Variants in GRIP1 observed in about 807,000 individuals in gnomAD.
GRIP1 encodes glutamate receptor-interacting protein 1.
In GRIP1, 45 loss-of-function variants were observed where a neutral mutation model predicts 129.9. That is an observed-to-expected ratio of 0.35 (90% CI 0.27 to 0.44). The LOEUF (loss-of-function observed/expected upper bound fraction) is 0.44. Among genes scored for constraint, GRIP1 ranks in the 20% least tolerant of loss-of-function variants. GRIP1 has a pLI of 1.00. For missense variants in GRIP1, 1,196 were observed against 1,396.8 expected, an observed-to-expected ratio of 0.86 and a Z score of 2.29; for synonymous variants, 530 against 520.8, an observed-to-expected ratio of 1.02 and a Z score of -0.24.
At chr12:66,945,196 C>T (rs2041648217) in intron 1 of GRIP1, among the ~76,000 whole-genome samples, 1 of 152,090 alleles carries the variant, frequency 6.6e-6, no homozygotes, top group Non-Finnish European at 1.5e-5. Flanking sequence ...GTTCAGGAGT[C>T]CATGTGCAGG....
At chr12:67,022,633 T>C (rs948891149) in intron 1 of GRIP1, among the ~76,000 whole-genome samples, 4 of 152,232 alleles carry the variant, frequency 2.6e-5, no homozygotes, top group African/African-American at 7.2e-5. Flanking sequence ...ACAATTTGAA[T>C]AGATTTGTAT....
intron 1 of GRIP1, among the ~76,000 whole-genome samples, chr12:66,597,128 G>A (rs946584774): frequency 6.6e-6 from 1 of 152,138 alleles, no homozygotes. Context: ...CCCTATAAAA[G>A]AGAGATAAAA....
chr12:66,433,316 A>G (rs149626396), intron 13 of GRIP1, among the ~76,000 whole-genome samples: 271 of 152,306 alleles, frequency 1.8e-3, no homozygotes, highest in African/African-American at 6.2e-3. Flanking sequence ...CAACCAATCA[A>G]ACTAGATGCT....
chr12:66,626,345 A>G (rs2030040870), intron 1 of GRIP1, among the ~76,000 whole-genome samples: 1 of 151,780 alleles, frequency 6.6e-6, no homozygotes, highest in African/African-American at 2.4e-5. Context: ...ATCTCCAAAA[A>G]AAAAAAAGTA....
chr12:66,690,362 CAATAAT>C (rs1168604199), intron 1 of GRIP1, among the ~76,000 whole-genome samples: 1 of 143,548 alleles, frequency 7.0e-6, no homozygotes, highest in South Asian at 2.2e-4. Context: ...TTTCATTGCT[CAATAAT>C]ATTACACACA....
chr12:66,521,967 T>C (rs972434397), intron 5 of GRIP1, among the ~76,000 whole-genome samples: 4 of 152,196 alleles, frequency 2.6e-5, no homozygotes, highest in African/African-American at 9.6e-5. Flanking sequence ...GTGCCTGCCA[T>C]TGCCCAGGAT....
At chr12:66,918,473 A>C (rs1224874116) in intron 1 of GRIP1, among the ~76,000 whole-genome samples, 1 of 152,100 alleles carries the variant, frequency 6.6e-6, no homozygotes, top group Non-Finnish European at 1.5e-5. Flanking sequence ...ATATCTCAGC[A>C]CCCTGTTGGC....
At chr12:66,514,170 G>T (rs1474228553) in intron 7 of GRIP1, among the ~76,000 whole-genome samples, 2 of 152,078 alleles carry the variant, frequency 1.3e-5, no homozygotes, top group East Asian at 3.9e-4. Flanking sequence ...CCTATCCATT[G>T]CAAGCTTCAT....
At chr12:66,646,310 T>A (rs974564144) in intron 1 of GRIP1, among the ~76,000 whole-genome samples, 4 of 152,316 alleles carry the variant, frequency 2.6e-5, no homozygotes, top group African/African-American at 9.6e-5. Flanking sequence ...ACTGCAAGTG[T>A]AAACTGTGTT....
intron 2 of GRIP1, among the ~76,000 whole-genome samples, chr12:66,542,882 A>G (rs1209917446): frequency 6.6e-6 from 1 of 152,306 alleles, no homozygotes; most frequent in East Asian, 1.9e-4. Flanking sequence ...TACACATTTC[A>G]GGGGTAATGA....
chr12:67,008,428 G>T (rs898227722), intron 1 of GRIP1, among the ~76,000 whole-genome samples: 1 of 152,032 alleles, frequency 6.6e-6, no homozygotes, highest in African/African-American at 2.4e-5. Flanking sequence ...TTAACAGAAG[G>T]CCACTCAATA....
At chr12:66,946,582 T>C (rs1416937738) in intron 1 of GRIP1, among the ~76,000 whole-genome samples, 2 of 151,888 alleles carry the variant, frequency 1.3e-5, no homozygotes, top group African/African-American at 4.8e-5. Context: ...AGCATCAGAA[T>C]GGAAGACTGG....
At chr12:66,785,343 C>CATACATACATACATACATATATATAT (rs377630345) in intron 1 of GRIP1, among the ~76,000 whole-genome samples, 2 of 72,780 alleles carry the variant, frequency 2.7e-5, no homozygotes, top group African/African-American at 5.1e-5. Flanking sequence ...TACATACATA[C>CATACATACATACATACATATATATAT]ATATATATAT....
chr12:66,577,436 G>A (rs1262324523), intron 2 of GRIP1, among the ~76,000 whole-genome samples: 1 of 152,202 alleles, frequency 6.6e-6, no homozygotes, highest in East Asian at 1.9e-4. Context: ...TGTATGTGAT[G>A]CACGCACATA....
chr12:66,489,730 C>G (rs2060054804), intron 7 of GRIP1, among the ~76,000 whole-genome samples: 1 of 152,078 alleles, frequency 6.6e-6, no homozygotes, highest in Admixed American at 6.5e-5. Flanking sequence ...CATCTCAGCC[C>G]AAAAGCTTCT....
chr12:66,971,779 T>C (rs2137577510), intron 1 of GRIP1, among the ~76,000 whole-genome samples: 1 of 152,330 alleles, frequency 6.6e-6, no homozygotes, highest in East Asian at 1.9e-4. Flanking sequence ...TTGAATATTC[T>C]GAGACCTGAG....
intron 11 of GRIP1, among the ~76,000 whole-genome samples, chr12:66,453,630 G>A (rs1394048103): frequency 1.3e-5 from 2 of 152,210 alleles, no homozygotes; most frequent in Non-Finnish European, 2.9e-5. Flanking sequence ...TTTACCAGGT[G>A]TTGTTCTAAA....
intron 2 of GRIP1, among the ~76,000 whole-genome samples, chr12:66,552,621 A>G (rs1404250935): frequency 1.3e-5 from 2 of 152,196 alleles, no homozygotes; most frequent in African/African-American, 2.4e-5. Context: ...CTCATCATAC[A>G]GTAATTGTCA....
At chr12:66,396,346 T>C (rs941730807) in intron 16 of GRIP1, among the ~76,000 whole-genome samples, 7 of 152,094 alleles carry the variant, frequency 4.6e-5, no homozygotes, top group Non-Finnish European at 8.8e-5. Flanking sequence ...GAAGTGTCCA[T>C]TGAAACTGCA....
Sources: allele counts gnomAD v4.1 joint callset (sites outside exome capture counted in the v4.1 genomes callset), GRCh38; gene constraint gnomAD v4.1.1; transcripts MANE v1.5; gene names NCBI Gene and HGNC (gene_info 2026-07-23, HGNC 2026-07-21).